CAMK1D: variants seen among roughly 807,000 people sequenced by gnomAD.
CAMK1D encodes the protein calcium/calmodulin dependent protein kinase ID.
Under a neutral mutation model 47.7 loss-of-function variants are expected in CAMK1D, and 9 were observed. The observed-to-expected ratio is 0.19, with a 90% CI of 0.11 to 0.33. The LOEUF is 0.33. Among genes scored for constraint, CAMK1D ranks in the 10% least tolerant of loss-of-function variants. The probability of loss-of-function intolerance (pLI) is 1.00; values close to 1 mark genes in which losing one functional copy is unlikely to be tolerated. For synonymous variants in CAMK1D, 184 were observed against 184.9 expected (o/e 0.99, Z 0.04); for missense variants, 291 against 488.7 (o/e 0.60, Z 3.81).
At chr10:12,517,159 T>G (rs937113138) in intron 1 of CAMK1D, among the ~76,000 whole-genome samples, 1 of 152,234 alleles carries the variant, frequency 6.6e-6, no homozygotes, top group African/African-American at 2.4e-5. Flanking sequence ...ATAGTATTAT[T>G]TTTAAAATTT....
intron 5 of CAMK1D, among the ~76,000 whole-genome samples, chr10:12,770,392 C>T (rs1189356125): frequency 6.6e-6 from 1 of 152,046 alleles, no homozygotes; most frequent in African/African-American, 2.4e-5. Flanking sequence ...TTCTGATGTT[C>T]ATCTTTTGAC....
intron 1 of CAMK1D, among the ~76,000 whole-genome samples, chr10:12,535,913 G>A (rs1835955403): frequency 6.6e-6 from 1 of 152,194 alleles, no homozygotes; most frequent in South Asian, 2.1e-4. Context: ...CACAGATGAG[G>A]ACACAGGCTC....
At chr10:12,382,797 C>G (rs1367023134) in intron 1 of CAMK1D, among the ~76,000 whole-genome samples, 1 of 152,140 alleles carries the variant, frequency 6.6e-6, no homozygotes, top group East Asian at 1.9e-4. Context: ...TGCACTCCAG[C>G]CTGGGCAACA....
chr10:12,700,165 G>A (rs1339367650), intron 3 of CAMK1D, among the ~76,000 whole-genome samples: 2 of 152,086 alleles, frequency 1.3e-5, no homozygotes, highest in Non-Finnish European at 2.9e-5. Context: ...TATTTTCTCT[G>A]TAAGGCGTCA....
At chr10:12,795,840 T>G (rs1174608797) in intron 6 of CAMK1D, among the ~76,000 whole-genome samples, 2 of 152,222 alleles carry the variant, frequency 1.3e-5, no homozygotes, top group Non-Finnish European at 1.5e-5. Context: ...GCCAGGAATC[T>G]TGCTTTGGGG....
At chr10:12,753,068 A>G (rs150609852) in intron 3 of CAMK1D, among the ~76,000 whole-genome samples, 16 of 152,332 alleles carry the variant, frequency 1.1e-4, no homozygotes, top group Admixed American at 8.5e-4. Flanking sequence ...CGTGGCCAAC[A>G]TGGTGAAACC....
At chr10:12,551,811 C>G (rs1836592637) in intron 1 of CAMK1D, among the ~76,000 whole-genome samples, 1 of 152,148 alleles carries the variant, frequency 6.6e-6, no homozygotes, top group Non-Finnish European at 1.5e-5. Flanking sequence ...TCTCCCGGGT[C>G]CATGGAAAAA....
chr10:12,471,854 A>G (rs2132076631), intron 1 of CAMK1D, among the ~76,000 whole-genome samples: 2 of 152,096 alleles, frequency 1.3e-5, no homozygotes, highest in East Asian at 3.9e-4. Context: ...CAACATAGCA[A>G]GACTCTCTCT....
chr10:12,543,737 C>T (rs772403844), intron 1 of CAMK1D, among the ~76,000 whole-genome samples: 1 of 152,166 alleles, frequency 6.6e-6, no homozygotes, highest in Non-Finnish European at 1.5e-5. Context: ...AAGGCATTCC[C>T]AGAGCCCAGC....
chr10:12,455,853 T>G (rs1393888419), intron 1 of CAMK1D, among the ~76,000 whole-genome samples: 1 of 152,186 alleles, frequency 6.6e-6, no homozygotes. Flanking sequence ...AAACTGAAGG[T>G]GTTATACAAA....
intron 8 of CAMK1D, among the ~76,000 whole-genome samples, 193 bp from the exon 9 acceptor site, chr10:12,824,272 G>C (rs1445760981): frequency 6.6e-6 from 1 of 152,100 alleles, no homozygotes; most frequent in Non-Finnish European, 1.5e-5. Context: ...GGACTTTGTG[G>C]TGAGGGGTTA....
intron 1 of CAMK1D, among the ~76,000 whole-genome samples, chr10:12,531,446 T>G (rs1198259845): frequency 6.6e-6 from 1 of 152,170 alleles, no homozygotes; most frequent in Non-Finnish European, 1.5e-5. Flanking sequence ...CCTTACTGTG[T>G]GCATCATATT....
chr10:12,429,179 C>T (rs1564334615), intron 1 of CAMK1D, among the ~76,000 whole-genome samples: 2 of 152,194 alleles, frequency 1.3e-5, no homozygotes, highest in Non-Finnish European at 2.9e-5. Flanking sequence ...CCCAAGCCCT[C>T]TCTGGTCTCA....
At position 12,644,208 on chromosome 10, in the gene CAMK1D, C is replaced by T. The variant is rs536184318; in HGVS notation, c.225-22528C>T. 2.0e-4 allele frequency among the ~76,000 whole-genome samples: 31 copies of T among 152,258 alleles called. No homozygotes were observed. In the Middle Eastern group the frequency reaches 0.01, roughly 50 times the overall value. On this transcript the variant is annotated intron_variant, in intron 2 of 10. Coordinates refer to ENST00000619168, the MANE Select transcript of CAMK1D (RefSeq NM_153498.4). The stretch of plus-strand genomic sequence containing the variant: ...GGCTGTTGGAGTTCCCCGTAAACTT[C>T]CCGCCCTATGGTCCCTCTCACTGTA...
chr10:12,729,878 T>A (rs1398143856), intron 3 of CAMK1D, among the ~76,000 whole-genome samples: 2 of 151,994 alleles, frequency 1.3e-5, no homozygotes, highest in Non-Finnish European at 2.9e-5. Context: ...CTAATGCTGG[T>A]GAGGTCGGGG....
At chr10:12,598,408 T>C (rs1306592526) in intron 2 of CAMK1D, among the ~76,000 whole-genome samples, 1 of 152,216 alleles carries the variant, frequency 6.6e-6, no homozygotes, top group Non-Finnish European at 1.5e-5. Context: ...GCTCTCAAGA[T>C]ACATCAGGTT....
At chr10:12,649,775 A>G (rs1839909921) in intron 2 of CAMK1D, among the ~76,000 whole-genome samples, 1 of 152,226 alleles carries the variant, frequency 6.6e-6, no homozygotes, top group South Asian at 2.1e-4. Context: ...TCATTCTCCA[A>G]GGAAATCTCG....
intron 3 of CAMK1D, among the ~76,000 whole-genome samples, chr10:12,708,010 A>G (rs1357384372): frequency 1.3e-5 from 2 of 152,204 alleles, no homozygotes; most frequent in African/African-American, 4.8e-5. Context: ...GACTTTGCCT[A>G]AGAGTGACCG....
chr10:12,464,671 C>T (rs1246765922), intron 1 of CAMK1D, among the ~76,000 whole-genome samples: 5 of 151,942 alleles, frequency 3.3e-5, no homozygotes, highest in Admixed American at 1.3e-4. Flanking sequence ...AAAAATTAGC[C>T]GGGTGTGGTG....
Sources: allele counts gnomAD v4.1 joint callset (sites outside exome capture counted in the v4.1 genomes callset), GRCh38; gene constraint gnomAD v4.1.1; transcripts MANE v1.5; gene names NCBI Gene and HGNC (gene_info 2026-07-23, HGNC 2026-07-21).